Variants in INSR observed in about 807,000 individuals in gnomAD.
INSR encodes IR.
Under a neutral mutation model 142.6 loss-of-function variants are expected in INSR, and 67 were observed. The ratio of observed to expected loss-of-function variants is 0.47; its 90% CI spans 0.39 to 0.58. INSR has a LOEUF of 0.58. Ranked by LOEUF, INSR falls within the 20% of genes least tolerant of loss-of-function variation. The pLI, the probability that INSR is intolerant of heterozygous loss-of-function variation, is 0.00. For synonymous variants in INSR, 756 were observed against 743.1 expected, an observed-to-expected ratio of 1.02 and a Z score of -0.28; for missense variants, 1,248 against 1,833.2, an observed-to-expected ratio of 0.68 and a Z score of 5.83.
intron 2 of INSR, among the ~76,000 whole-genome samples, chr19:7,234,339 T>C (rs1430762516): frequency 1.3e-5 from 2 of 152,132 alleles, no homozygotes; most frequent in Non-Finnish European, 2.9e-5. Flanking sequence ...CCTGAGTAGC[T>C]GGGACTACAG....
At chr19:7,177,937 C>A (rs183128303) in intron 3 of INSR, among the ~76,000 whole-genome samples, 1 of 151,936 alleles carries the variant, frequency 6.6e-6, no homozygotes, top group Non-Finnish European at 1.5e-5. Context: ...AAAATAACAC[C>A]ACCAACGCCA....
intron 1 of INSR, among the ~76,000 whole-genome samples, chr19:7,279,887 G>A (rs1238504376): frequency 2.0e-5 from 3 of 150,628 alleles, no homozygotes; most frequent in African/African-American, 4.9e-5. Flanking sequence ...AGGATTGCTC[G>A]AGCCTGGGAG....
chr19:7,131,331 A>G (rs1169983605), intron 14 of INSR, among the ~76,000 whole-genome samples: 1 of 150,890 alleles, frequency 6.6e-6, no homozygotes. Context: ...AACCCCCAAC[A>G]ACACCCAATT....
intron 1 of INSR, among the ~76,000 whole-genome samples, chr19:7,277,889 C>T (rs142293830): frequency 0.024 from 3,593 of 151,468 alleles, 117 homozygotes; most frequent in African/African-American, 0.073. Context: ...GTCAGGAGTT[C>T]GAGACCAGCC....
intron 2 of INSR, among the ~76,000 whole-genome samples, chr19:7,256,880 C>T (rs1976909736): frequency 6.8e-6 from 1 of 148,012 alleles, no homozygotes; most frequent in Admixed American, 6.8e-5. Flanking sequence ...GGAAGAAAGA[C>T]GAATGAGAGA....
chr19:7,221,462 CT>C (rs1425023827), intron 2 of INSR, among the ~76,000 whole-genome samples: 1 of 151,542 alleles, frequency 6.6e-6, no homozygotes, highest in Non-Finnish European at 1.5e-5. Flanking sequence ...AATCCCAGCA[CT>C]TTGGGAGGCC....
chr19:7,136,134 TG>T (rs1972919552), intron 13 of INSR, among the ~76,000 whole-genome samples: 1 of 152,062 alleles, frequency 6.6e-6, no homozygotes, highest in Non-Finnish European at 1.5e-5. Flanking sequence ...GGGCATGAAG[TG>T]GTATTGCATC....
At chr19:7,293,304 G>C (rs771989054) in intron 1 of INSR, among the ~76,000 whole-genome samples, 1 of 152,204 alleles carries the variant, frequency 6.6e-6, no homozygotes, top group Non-Finnish European at 1.5e-5. Context: ...GTAGAGGGGG[G>C]CTCTGCAGTC....
chr19:7,169,933 C>A lies in INSR; in HGVS notation c.1483+604G>T, dbSNP rs184137161. On this transcript the variant is annotated intron_variant, in intron 6 of 21. Transcript: ENST00000302850. ...AGTGAGTTGTTAGAGGGAAGTAATA[C>A]CCCCTGGGGGTGACTGTGATGGATG... Among the ~76,000 whole-genome samples, 45 of 152,260 alleles carry A rather than the reference C, an allele frequency of 3.0e-4. 1 individual carries two copies. The East Asian group carries it at 3.1e-3, about 10-fold the overall frequency.
intron 19 of INSR, among the ~76,000 whole-genome samples, chr19:7,122,055 A>G (rs1164535130): frequency 6.6e-6 from 1 of 152,014 alleles, no homozygotes; most frequent in African/African-American, 2.4e-5. Context: ...AGGCAGGAGA[A>G]TCGCTTGAAC....
intron 3 of INSR, among the ~76,000 whole-genome samples, chr19:7,180,871 A>G (rs965064723): frequency 1.3e-5 from 2 of 152,020 alleles, no homozygotes; most frequent in Non-Finnish European, 2.9e-5. Context: ...AGGAGTTTGG[A>G]TTCTGTCCAT....
Position 7,163,064 on chromosome 19 carries a change from C to G in INSR, c.1997G>C (p.Ser666Thr). 6.2e-7 allele frequency: 1 copy of G among 1,613,962 alleles called. No individual in the cohort carries two copies. The highest frequency in any genetic ancestry group is 8.5e-7 in the Non-Finnish European group (1 of 1,179,984). ...GCAATAATCCAGCTCGAACAGCTCACTGTCTTCCGCCTGCCTCTCCCAGAA... is the reference window on the plus strand; with the variant it reads ...GCAATAATCCAGCTCGAACAGCTCAGTGTCTTCCGCCTGCCTCTCCCAGAA... ...LVFWERQAED[S>T]ELFELDYCLK... The change falls in exon 9 of 22, where the codon AGT becomes ACT. Residue 666 changes from serine (S) to threonine (T), a missense_variant. Physicochemically the swap from Ser to Thr is moderately conservative, Grantham distance 58. Transcript: ENST00000302850.
rs766817873 is a variant in INSR at position 7,184,643 on chromosome 19, GA to G, written c.653-7del. 2,944 of 1,298,356 alleles carry G rather than the reference GA, an allele frequency of 2.3e-3. 80 individuals carry two copies. In the African/African-American group the frequency reaches 0.042, roughly 18 times the overall value. 80.4% of individuals were successfully genotyped at this position (1,298,356 alleles called of 1,614,324 possible). On this transcript the variant is annotated splice_region_variant and splice_polypyrimidine_tract_variant and intron_variant, in intron 2 of 21. Coordinates refer to ENST00000302850, the MANE Select transcript of INSR (RefSeq NM_000208.4). ...CTTACAGATGGTCGGGCAAACTGGA[GA>G]GAGAGAGAGAGAGAGAGGGAAATAA...
chr19:7,265,906 T>C (rs973755457), intron 2 of INSR, among the ~76,000 whole-genome samples: 4 of 152,064 alleles, frequency 2.6e-5, no homozygotes, highest in African/African-American at 9.7e-5. Context: ...TTTAAACCAC[T>C]GAACAACAAA....
chr19:7,116,884 T>C lies in INSR; in HGVS notation c.*172A>G. 1 of 645,254 alleles carries C rather than the reference T, an allele frequency of 1.5e-6. No homozygotes were observed. The highest frequency in any genetic ancestry group is 1.8e-5 in the South Asian group (1 of 55,326). 40.0% of individuals were successfully genotyped at this position (645,254 alleles called of 1,614,324 possible). On this transcript the variant is annotated 3_prime_UTR_variant, in exon 22 of 22. Coordinates refer to ENST00000302850, the MANE Select transcript of INSR (RefSeq NM_000208.4). Reference sequence around the variant, plus strand: ...CAGTTAAATCCTCTGCAGGACTAGTTAAATTGGTAACCAAACGAGTCCACC... The same window carrying C: ...CAGTTAAATCCTCTGCAGGACTAGTCAAATTGGTAACCAAACGAGTCCACC...
chr19:7,246,069 A>C (rs1023270750), intron 2 of INSR, among the ~76,000 whole-genome samples: 2 of 152,182 alleles, frequency 1.3e-5, no homozygotes, highest in African/African-American at 4.8e-5. Context: ...TCTGATTAAA[A>C]TGTTATTGTA....
In INSR at chr19:7,267,841, A is replaced by C; in HGVS notation, c.156T>G (p.Asn52Lys). 6.2e-7 allele frequency: 1 copy of C among 1,614,088 alleles called. No individual in the cohort carries two copies. Among genetic ancestry groups the C allele is most frequent in the Non-Finnish European group, 8.5e-7 (1 of 1,180,008 alleles). Residue 52 changes from asparagine to lysine, a missense_variant, in exon 2 of 22, where the codon AAT (asparagine) becomes AAG (lysine). This residue lies in a region of INSR where 1,069 missense variants were observed against 1,654.0 expected (regional missense o/e 0.65). Coordinates refer to ENST00000302850, the MANE Select transcript of INSR (RefSeq NM_000208.4). The surrounding 1 kb of genome is among the most constrained non-coding windows in gnomAD (Gnocchi z 6.3). ...NNLTRLHELE[N>K]CSVIEGHLQI... ...GCAAGTGTCCTTCGATGACAGAGCA[A>C]TTCTCCAGCTCATGCAACCTAGTGA... is the stretch of plus-strand genomic sequence containing the variant.
chr19:7,249,869 G>A (rs1354607996), intron 2 of INSR, among the ~76,000 whole-genome samples: 1 of 152,058 alleles, frequency 6.6e-6, no homozygotes. Flanking sequence ...GCAGGTGCCT[G>A]TAGTCCCAGC....
At chr19:7,249,466 C>T (rs557057308) in intron 2 of INSR, among the ~76,000 whole-genome samples, 30 of 152,118 alleles carry the variant, frequency 2.0e-4, no homozygotes, top group Non-Finnish European at 2.6e-4. Flanking sequence ...AAGGGAGGCC[C>T]GTCGGCACCG....
Sources: gnomAD v4.1 joint callset for allele counts (sites outside exome capture counted in the v4.1 genomes callset) on GRCh38, gnomAD v4.1.1 for gene constraint, gnomAD v4.1.1 regional missense constraint, Gnocchi (gnomAD v3.1) non-coding constraint, MANE v1.5 for transcripts, NCBI Gene and HGNC (gene_info 2026-07-23, HGNC 2026-07-21) for gene names.